The following FLT4 variants were observed in gnomAD, a reference collection of about 807,000 sequenced individuals.
The protein encoded by FLT4 is vascular endothelial growth factor receptor 3.
In FLT4, 30 loss-of-function variants were observed where a neutral mutation model predicts 163.2. The ratio of observed to expected loss-of-function variants is 0.18; its 90% CI spans 0.14 to 0.25. The LOEUF is 0.25. FLT4 is among the 10% of genes least tolerant of loss of function. The pLI is 1.00. For missense variants in FLT4, 1,510 were observed against 1,863.8 expected (o/e 0.81, Z 3.50); for synonymous variants, 884 against 789.5 (o/e 1.12, Z -2.01).
Position 180,631,346 on chromosome 5 carries a change from A to G in FLT4, c.155+336T>C, listed in dbSNP as rs372246118. Reference sequence around the variant, plus strand: ...AAATTAGCCGGGCGTGGTGGCGGGCACCTGTAGTCCCAGCTACTTGGGAGG... The same window carrying G: ...AAATTAGCCGGGCGTGGTGGCGGGCGCCTGTAGTCCCAGCTACTTGGGAGG... On this transcript the variant is annotated intron_variant, in intron 2 of 29. Coordinates refer to ENST00000261937, the MANE Select transcript of FLT4 (RefSeq NM_182925.5). Among the ~76,000 whole-genome samples the G allele has an allele frequency of 8.3e-4, 126 of 152,014 alleles. 1 individual carries two copies. The highest frequency in any genetic ancestry group is 1.9e-3 in the African/African-American group (78 of 41,504).
At chr5:180,612,443 C>T (rs922125511) in intron 26 of FLT4, 63 bp downstream of exon 26, 21 of 1,244,448 alleles carry the variant, frequency 1.7e-5, no homozygotes, top group African/African-American at 2.9e-5. Context: ...AGGGGCAGCT[C>T]GGGCCAGGGA....
Position 180,602,874 on chromosome 5 carries a change from A to T in FLT4, c.*318T>A. 1.7e-6 allele frequency: 1 copy of T among 584,172 alleles called. No individual in the cohort carries two copies. The highest frequency in any genetic ancestry group is 1.9e-5 in the African/African-American group (1 of 53,760). 36.2% of individuals were successfully genotyped at this position (584,172 alleles called of 1,614,324 possible). A position where few individuals can be genotyped will look rare whatever the true frequency, so the allele number is the denominator to read the frequency against. On this transcript the variant is annotated 3_prime_UTR_variant, in exon 30 of 30. Coordinates refer to ENST00000261937, the MANE Select transcript of FLT4 (RefSeq NM_182925.5). ...GGCCACCACCCAGTGTGATGAAAGG[A>T]GGTCGCCAAAGAGACATTCCCATGG...
At chr5:180,622,116 C>T (rs899173528) in intron 12 of FLT4, among the ~76,000 whole-genome samples, 3 of 152,034 alleles carry the variant, frequency 2.0e-5, no homozygotes, top group African/African-American at 7.2e-5. Context: ...TCTCTTGAAG[C>T]TTGCCATGCC....
In FLT4 at chr5:180,620,993, C is replaced by T; in HGVS notation, c.2182G>A (p.Asp728Asn). Residue 728 changes from aspartate to asparagine, a missense_variant, in exon 15 of 30, where the codon GAC (aspartate) becomes AAC (asparagine). Physicochemically the swap from Asp to Asn is conservative, Grantham distance 23. Coordinates refer to ENST00000261937, the MANE Select transcript of FLT4 (RefSeq NM_182925.5). The surrounding 1 kb of genome is among the most constrained non-coding windows in gnomAD (Gnocchi z 4.4). ...LEEKSGVDLA[D>N]SNQKLSIQRV... ...TGGATGCTCAGCTTCTGGTTGGAGT[C>T]CGCCAAGTCGACTCCTGCAGGGGGT... 6.2e-7 allele frequency: 1 copy of T among 1,611,512 alleles called. No homozygotes were observed. Among genetic ancestry groups the T allele is most frequent in the East Asian group, 2.2e-5 (1 of 44,822 alleles).
At chr5:180,644,928 T>C (rs990064433) in intron 1 of FLT4, among the ~76,000 whole-genome samples, 3 of 152,212 alleles carry the variant, frequency 2.0e-5, no homozygotes, top group Admixed American at 1.3e-4. Context: ...GAAGGCCCCT[T>C]CCGCTTGGAG....
At position 180,629,635 on chromosome 5, in the gene FLT4, G is replaced by A. The variant is rs1763930460; in HGVS notation, c.816+61C>T. ...CATCCTCCACGCGGAGGCCCAGTGT[G>A]TGCTGTACAGTCACAGGGACTCCTG... On this transcript the variant is annotated intron_variant, in intron 6 of 29. Coordinates refer to ENST00000261937, the MANE Select transcript of FLT4 (RefSeq NM_182925.5). 3.2e-6 allele frequency: 5 copies of A among 1,573,664 alleles called. No individual in the cohort carries two copies. In the South Asian group the frequency reaches 4.5e-5, roughly 14 times the overall value.
At chr5:180,622,928 AC>A (rs34880944) in intron 11 of FLT4, 89 bp from the exon 12 acceptor site, 57 of 674,948 alleles carry the variant, frequency 8.4e-5, no homozygotes, top group South Asian at 1.9e-4. Flanking sequence ...GCTGTGCACC[AC>A]CCCCCCCAAT....
In FLT4 at chr5:180,603,184, G is replaced by A. The variant is rs190791214; in HGVS notation, c.*8C>T. On this transcript the variant is annotated 3_prime_UTR_variant, in exon 30 of 30. Transcript: ENST00000261937. ...CCCCCAAGTGCTGGGGGTCTTGTCC[G>A]ATGCTGCTTAGTAGCTGTTGTCTGT... 2.3e-5 allele frequency: 37 copies of A among 1,613,586 alleles called. No homozygotes were observed. The East Asian group carries it at 3.6e-4, about 16-fold the overall frequency.
intron 8 of FLT4, among the ~76,000 whole-genome samples, chr5:180,626,659 C>A (rs1266019895): frequency 6.6e-6 from 1 of 152,222 alleles, no homozygotes; most frequent in African/African-American, 2.4e-5. Flanking sequence ...AGGAGGGTCC[C>A]ACACACCTGG....
In FLT4 at chr5:180,602,179, C is replaced by T. The variant is rs1023281034; in HGVS notation, c.*1013G>A. ...GTGGCACAGGGCAATGCTGGGTGGT[C>T]CTTTGTGCCAGCCCCGAGCCTTCCT... On this transcript the variant is annotated 3_prime_UTR_variant, in exon 30 of 30. Coordinates refer to ENST00000261937, the MANE Select transcript of FLT4 (RefSeq NM_182925.5). The T allele has an allele frequency of 1.3e-5, 3 of 235,026 alleles. No homozygotes were observed. The highest frequency in any genetic ancestry group is 1.7e-5 in the Non-Finnish European group (2 of 119,468). 14.6% of individuals were successfully genotyped at this position (235,026 alleles called of 1,614,324 possible).
In FLT4 at chr5:180,611,367, C is replaced by T. The variant is rs746879565; in HGVS notation, c.3650G>A (p.Ser1217Asn). ...GCTGTGGCGCTGCAGGCTTGGCGGGCTGTCCTCAGCGTCAGCCTGGGCGAT... is the reference window on the plus strand; with the variant it reads ...GCTGTGGCGCTGCAGGCTTGGCGGGTTGTCCTCAGCGTCAGCCTGGGCGAT... ...LHIAQADAED[S>N]PPSLQRHSLA... The change falls in exon 27 of 30, where the codon AGC (serine) becomes AAC (asparagine). Residue 1217 changes from serine to asparagine, a missense_variant. Ser to Asn is a conservative substitution (Grantham distance 46, BLOSUM62 1). Around this residue, in one of 5 missense-constraint regions of FLT4, gnomAD observed 295 missense variants for 311.0 expected, o/e 0.95. Transcript: ENST00000261937. 1.3e-5 allele frequency: 21 copies of T among 1,613,792 alleles called. No homozygotes were observed. The highest frequency in any genetic ancestry group is 1.7e-5 in the Non-Finnish European group (20 of 1,180,000).
intron 24 of FLT4, 61 bp from the exon 25 acceptor site, chr5:180,613,171 C>T (rs1035020296): frequency 1.7e-6 from 2 of 1,186,222 alleles, no homozygotes; most frequent in Non-Finnish European, 1.2e-6. Context: ...CCCAGCCCCC[C>T]AAGTCACCCC....
chr5:180,626,296 CAG>C (rs762976580), intron 8 of FLT4, 31 bp from the exon 9 acceptor site: 83 of 1,607,940 alleles, frequency 5.2e-5, no homozygotes, highest in Non-Finnish European at 6.2e-5. Context: ...AGGGCCCATA[CAG>C]ATCCCACCAC....
intron 29 of FLT4, among the ~76,000 whole-genome samples, chr5:180,607,124 C>T (rs545075541): frequency 6.6e-6 from 1 of 152,262 alleles, no homozygotes; most frequent in South Asian, 2.1e-4. Context: ...TTTAAGCAGA[C>T]ACTGAAGTCT....
intron 22 of FLT4, 109 bp from the exon 23 acceptor site, chr5:180,616,598 C>T (rs1762710462): frequency 1.6e-6 from 2 of 1,229,150 alleles, no homozygotes; most frequent in African/African-American, 1.5e-5. Context: ...GGATGCCCTG[C>T]CTGAACTGTG....
intron 8 of FLT4, 78 bp from the exon 9 acceptor site, chr5:180,626,343 T>G: frequency 1.3e-6 from 2 of 1,511,118 alleles, no homozygotes; most frequent in Non-Finnish European, 1.8e-6. Context: ...CCACCCCAAA[T>G]ACAGTTGGGA....
chr5:180,603,405 A>G lies in FLT4; in HGVS notation c.3894-15T>C, dbSNP rs1761613462. ...GTCCTTTACAGCTGCCAAGACAGGGAAGGTGGTGTTAGTAAGAGAAGAAGG... is the reference window on the plus strand; with the variant it reads ...GTCCTTTACAGCTGCCAAGACAGGGGAGGTGGTGTTAGTAAGAGAAGAAGG... On this transcript the variant is annotated splice_polypyrimidine_tract_variant and intron_variant, in intron 29 of 29. Coordinates refer to ENST00000261937, the MANE Select transcript of FLT4 (RefSeq NM_182925.5). The G allele has an allele frequency of 1.9e-6, 3 of 1,612,682 alleles. No individual in the cohort carries two copies. Among genetic ancestry groups the G allele is most frequent in the East Asian group, 4.5e-5 (2 of 44,864 alleles).
At chr5:180,607,012 A>T (rs1761839096) in intron 29 of FLT4, among the ~76,000 whole-genome samples, 1 of 152,028 alleles carries the variant, frequency 6.6e-6, no homozygotes, top group Admixed American at 6.6e-5. Context: ...CGGGAGGTGG[A>T]GGTTGCGGTG....
Position 180,620,968 on chromosome 5 carries a change from T to G in FLT4, c.2207A>C (p.Gln736Pro). 2 of 1,611,076 alleles carry G rather than the reference T, an allele frequency of 1.2e-6. No individual in the cohort carries two copies. The highest frequency in any genetic ancestry group is 8.5e-7 in the Non-Finnish European group (1 of 1,178,894). ...TCCCGCATCCTCCTCGCGCACGCGCTGGATGCTCAGCTTCTGGTTGGAGTC... is the reference window on the plus strand; with the variant it reads ...TCCCGCATCCTCCTCGCGCACGCGCGGGATGCTCAGCTTCTGGTTGGAGTC... ...LADSNQKLSIQRVREEDAGRY... is the reference protein window; with the variant it reads ...LADSNQKLSIPRVREEDAGRY... The change falls in exon 15 of 30, where the codon CAG becomes CCG. Residue 736 changes from glutamine (Q) to proline (P), a missense_variant. Physicochemically the swap from Gln to Pro is moderately conservative, Grantham distance 76. Coordinates refer to ENST00000261937, the MANE Select transcript of FLT4 (RefSeq NM_182925.5). This position sits in a 1 kb window ranked among gnomAD's most constrained non-coding sequence, Gnocchi z 4.4.
Sources: allele counts gnomAD v4.1 joint callset (sites outside exome capture counted in the v4.1 genomes callset), GRCh38; gene constraint gnomAD v4.1.1; regional missense constraint gnomAD v4.1.1; non-coding constraint Gnocchi (gnomAD v3.1); transcripts MANE v1.5; gene names NCBI Gene and HGNC (gene_info 2026-07-23, HGNC 2026-07-21).